Variants in EDAR observed in about 807,000 individuals in gnomAD.
EDAR encodes the protein ectodysplasin A receptor.
In EDAR, 38 loss-of-function variants were observed where a neutral mutation model predicts 51.3. The observed-to-expected ratio is 0.74, with a 90% CI of 0.57 to 0.97. The LOEUF (loss-of-function observed/expected upper bound fraction) is 0.97. EDAR is among the 50% of genes least tolerant of loss of function. The probability of loss-of-function intolerance (pLI) is 0.00; values close to 1 mark genes in which losing one functional copy is unlikely to be tolerated. For missense variants in EDAR, 528 were observed against 595.0 expected, an observed-to-expected ratio of 0.89 and a Z score of 1.17; for synonymous variants, 227 against 242.1, an observed-to-expected ratio of 0.94 and a Z score of 0.58.
chr2:108,946,867 T>C (rs1175460045), intron 1 of EDAR, among the ~76,000 whole-genome samples: 2 of 150,808 alleles, frequency 1.3e-5, no homozygotes, highest in Admixed American at 1.3e-4. Flanking sequence ...CCAAACCTTA[T>C]TCCGCCCCTG....
At chr2:108,954,243 G>A (rs1008772764) in intron 1 of EDAR, among the ~76,000 whole-genome samples, 2 of 152,094 alleles carry the variant, frequency 1.3e-5, no homozygotes, top group African/African-American at 2.4e-5. Flanking sequence ...ATCCTGTTCC[G>A]GAGACCAGCA....
At chr2:108,980,970 G>A (rs565366071) in intron 1 of EDAR, among the ~76,000 whole-genome samples, 3 of 63,070 alleles carry the variant, frequency 4.8e-5, no homozygotes, top group South Asian at 8.3e-4. Flanking sequence ...GACCTCTGAC[G>A]GACTAGACCG....
intron 1 of EDAR, among the ~76,000 whole-genome samples, chr2:108,960,727 G>T (rs1698022460): frequency 6.6e-6 from 1 of 152,162 alleles, no homozygotes; most frequent in Non-Finnish European, 1.5e-5. Context: ...ACATTATTGA[G>T]ATTTTGATAT....
At chr2:108,902,376 AAAAAC>A (rs745358106) in intron 11 of EDAR, among the ~76,000 whole-genome samples, 1 of 152,146 alleles carries the variant, frequency 6.6e-6, no homozygotes, top group Non-Finnish European at 1.5e-5. Context: ...ACTCCATCTC[AAAAAC>A]AAAACAAAAC....
chr2:108,908,721 T>C (rs1696859395), intron 9 of EDAR, among the ~76,000 whole-genome samples: 1 of 152,226 alleles, frequency 6.6e-6, no homozygotes, highest in Non-Finnish European at 1.5e-5. Context: ...ATTCCAAGTA[T>C]ATGAAAAACA....
chr2:108,931,852 T>C (rs1417028465), intron 1 of EDAR, among the ~76,000 whole-genome samples: 1 of 152,126 alleles, frequency 6.6e-6, no homozygotes, highest in Non-Finnish European at 1.5e-5. Context: ...TGTGCTCTAG[T>C]GATCGCCTAA....
chr2:108,968,608 C>T (rs527318617), intron 1 of EDAR, among the ~76,000 whole-genome samples: 1 of 152,342 alleles, frequency 6.6e-6, no homozygotes, highest in East Asian at 1.9e-4. Flanking sequence ...TGATCACAGG[C>T]ATGGTGTTCT....
chr2:108,913,715 C>T (rs1334733150), intron 5 of EDAR, among the ~76,000 whole-genome samples: 1 of 152,072 alleles, frequency 6.6e-6, no homozygotes, highest in African/African-American at 2.4e-5. Context: ...GTTAGAAGGA[C>T]AAGAGGTGGC....
At chr2:108,910,141 C>A (rs761395028) in intron 9 of EDAR, among the ~76,000 whole-genome samples, 21 of 152,202 alleles carry the variant, frequency 1.4e-4, no homozygotes, top group Non-Finnish European at 2.4e-4. Flanking sequence ...AGGCATGCAT[C>A]CTTGGCTTTA....
At chr2:108,940,392 G>A (rs1697571951) in intron 1 of EDAR, 1 of 152,394 alleles carries the variant, frequency 6.6e-6, no homozygotes, top group Non-Finnish European at 1.5e-5. Context: ...GCTCCTCCAT[G>A]GCCGAGCCGG....
intron 9 of EDAR, among the ~76,000 whole-genome samples, chr2:108,908,445 C>T (rs959642964): frequency 3.3e-5 from 5 of 152,182 alleles, no homozygotes; most frequent in Admixed American, 1.3e-4. Flanking sequence ...ATGCAGCTGG[C>T]GCTGAATCCA....
chr2:108,912,758 C>A lies in EDAR; in HGVS notation c.449G>T (p.Gly150Val). Residue 150 changes from glycine to valine, a missense_variant, in exon 6 of 12, where the codon GGA becomes GTA. Physicochemically the swap from Gly to Val is moderately radical, Grantham distance 109 (BLOSUM62 -3). Coordinates refer to ENST00000258443, the MANE Select transcript of EDAR (RefSeq NM_022336.4). ...GTTGGCAGAAGCTCCTGAAGTGGCT[C>A]CCACACCTGCAAGGAAAATAGAGTC... ...LAPPNTKECV[G>V]ATSGASANFP... is the part of the protein sequence containing the mutation. The A allele has an allele frequency of 6.3e-7, 1 of 1,592,810 alleles. No homozygotes were observed. The highest frequency in any genetic ancestry group is 8.5e-7 in the Non-Finnish European group (1 of 1,169,824).
intron 5 of EDAR, among the ~76,000 whole-genome samples, chr2:108,914,986 C>T (rs964359912): frequency 6.6e-6 from 1 of 152,254 alleles, no homozygotes; most frequent in African/African-American, 2.4e-5. Flanking sequence ...GATCTTGGCT[C>T]ACTGCAACCT....
intron 1 of EDAR, among the ~76,000 whole-genome samples, chr2:108,976,617 GT>G (rs370322343): frequency 1.1e-4 from 16 of 152,320 alleles, no homozygotes; most frequent in African/African-American, 3.8e-4. Context: ...CCTCTTCTCT[GT>G]TATGTATTTG....
At chr2:108,908,799 A>G (rs1180207270) in intron 9 of EDAR, among the ~76,000 whole-genome samples, 3 of 152,192 alleles carry the variant, frequency 2.0e-5, no homozygotes, top group Non-Finnish European at 2.9e-5. Context: ...TTCTTAAAAA[A>G]AGGATTATAT....
intron 8 of EDAR, 46 bp downstream of exon 8, chr2:108,910,730 A>G: frequency 6.2e-7 from 1 of 1,602,716 alleles, no homozygotes; most frequent in East Asian, 2.2e-5. Context: ...CTCCACCCAG[A>G]GATGGGCACC....
At position 108,941,591 on chromosome 2, in the gene EDAR, G is replaced by A. The variant is rs370074329; in HGVS notation, c.-18-10559C>T. On this transcript the variant is annotated intron_variant, in intron 1 of 11. Coordinates refer to ENST00000258443, the MANE Select transcript of EDAR (RefSeq NM_022336.4). ...CACCAGCTGGGGGCATGGCCAACAGGGAAGAGTAGAAGGAGAAGAAAAACG... is the reference window on the plus strand; with the variant it reads ...CACCAGCTGGGGGCATGGCCAACAGAGAAGAGTAGAAGGAGAAGAAAAACG... Among the ~76,000 whole-genome samples the A allele has an allele frequency of 2.6e-5, 4 of 152,080 alleles. 1 individual carries two copies. Among genetic ancestry groups the A allele is most frequent in the East Asian group, 1.9e-4 (1 of 5,186 alleles).
chr2:108,948,127 G>A (rs931277444), intron 1 of EDAR, among the ~76,000 whole-genome samples: 6 of 152,122 alleles, frequency 3.9e-5, no homozygotes, highest in African/African-American at 1.4e-4. Flanking sequence ...AAAGTTCCAC[G>A]GATCTCTAGA....
chr2:108,980,296 TC>T (rs1175131486), intron 1 of EDAR, among the ~76,000 whole-genome samples: 1 of 152,020 alleles, frequency 6.6e-6, no homozygotes, highest in Non-Finnish European at 1.5e-5. Flanking sequence ...GTGAGTCACA[TC>T]CCGAAACCTC....
Sources: allele counts gnomAD v4.1 joint callset (sites outside exome capture counted in the v4.1 genomes callset), GRCh38; gene constraint gnomAD v4.1.1; transcripts MANE v1.5; gene names NCBI Gene and HGNC (gene_info 2026-07-23, HGNC 2026-07-21).